Variants in BRSK2 observed in about 807,000 individuals in gnomAD.
The protein encoded by BRSK2 is serine/threonine-protein kinase BRSK2.
Under a neutral mutation model 83.3 loss-of-function variants are expected in BRSK2, and 19 were observed. The observed-to-expected ratio is 0.23, with a 90% confidence interval of 0.16 to 0.33. The LOEUF is 0.33. Ranked by LOEUF, BRSK2 falls within the 10% of genes least tolerant of loss-of-function variation. BRSK2 has a pLI of 1.00. For missense variants in BRSK2, 798 were observed against 1,042.3 expected (o/e 0.77, Z 3.23); for synonymous variants, 519 against 435.4 (o/e 1.19, Z -2.39).
At chr11:1,444,251 A>T (rs1411684212) in intron 8 of BRSK2, among the ~76,000 whole-genome samples, 2 of 152,148 alleles carry the variant, frequency 1.3e-5, no homozygotes, top group Non-Finnish European at 2.9e-5. Flanking sequence ...TGTGGGGGCT[A>T]GCAAGAGCCA....
chr11:1,411,276 A>G, intron 1 of BRSK2: 1 of 1,310,272 alleles, frequency 7.6e-7, no homozygotes, highest in South Asian at 2.4e-5. Flanking sequence ...ATCAGCAGGA[A>G]AGCAGCCAGT....
intron 12 of BRSK2, among the ~76,000 whole-genome samples, 196 bp downstream of exon 12, chr11:1,446,103 C>T (rs1336308579): frequency 7.4e-6 from 1 of 134,578 alleles, no homozygotes; most frequent in Non-Finnish European, 1.5e-5. Flanking sequence ...CTGGGCTGGG[C>T]TGGGCTGGGA....
intron 5 of BRSK2, 143 bp from the exon 6 acceptor site, chr11:1,442,963 C>G: frequency 9.9e-7 from 1 of 1,012,202 alleles, no homozygotes; most frequent in Non-Finnish European, 1.4e-6. Context: ...CCCAAAAGCC[C>G]GCCTGGGGAT....
At position 1,436,031 on chromosome 11, in the gene BRSK2, C is replaced by T. The variant is rs751631586; in HGVS notation, c.92-9C>T. 1.2e-6 allele frequency: 2 copies of T among 1,603,224 alleles called. No homozygotes were observed. Among genetic ancestry groups the T allele is most frequent in the South Asian group, 1.1e-5 (1 of 89,118 alleles). On this transcript the variant is annotated splice_polypyrimidine_tract_variant and intron_variant, in intron 1 of 19. Coordinates refer to ENST00000528841, the MANE Select transcript of BRSK2 (RefSeq NM_001256627.2). ...GGTGGGTCTGAGCGCGGCTGCTTCT[C>T]TCCCGCAGGTCTGGTGAAGCTGGGG... is the stretch of plus-strand genomic sequence containing the variant.
rs398015179 is a variant in BRSK2, at chr11:1,460,461, C to CTTTT, written c.1988-25_1988-22dup. On this transcript the variant is annotated intron_variant, in intron 19 of 19. Transcript: ENST00000528841. ...CTCTCCCCCTTTTTTTTCTTTTTTC[C>CTTTT]TTTTTTTTTTTTTTTTTGTCTCTGT... The CTTTT allele has an allele frequency of 5.1e-5, 28 of 544,448 alleles. No individual in the cohort carries two copies. The Admixed American group carries it at 2.1e-3, about 40-fold the overall frequency. The allele number at this position is 544,448 out of a possible 1,614,324, so 33.7% of individuals were successfully genotyped here. A position where few individuals can be genotyped will look rare whatever the true frequency, so the allele number is the denominator to read the frequency against.
intron 1 of BRSK2, among the ~76,000 whole-genome samples, chr11:1,417,860 C>T (rs1848253981): frequency 7.3e-6 from 1 of 137,336 alleles, no homozygotes; most frequent in African/African-American, 2.8e-5. Context: ...GAGTGGGTCA[C>T]CTGTGTCCTG....
intron 16 of BRSK2, among the ~76,000 whole-genome samples, chr11:1,455,109 C>T (rs1040963104): frequency 5.3e-5 from 8 of 152,116 alleles, no homozygotes; most frequent in African/African-American, 1.4e-4. Flanking sequence ...AGAGTGGTCG[C>T]GCTCGGGGTC....
At chr11:1,453,114 G>T (rs1425284317) in intron 15 of BRSK2, among the ~76,000 whole-genome samples, 1 of 152,206 alleles carries the variant, frequency 6.6e-6, no homozygotes, top group Non-Finnish European at 1.5e-5. Context: ...ACCCTGTGAG[G>T]AAGGGTCCCC....
At chr11:1,459,312 C>T in intron 19 of BRSK2, 73 bp downstream of exon 19, 6 of 1,552,678 alleles carry the variant, frequency 3.9e-6, no homozygotes, top group Non-Finnish European at 5.3e-6. Flanking sequence ...GCTGTGGCCG[C>T]CACCTGCCGC....
intron 3 of BRSK2, among the ~76,000 whole-genome samples, chr11:1,439,964 C>T (rs2133055802): frequency 6.6e-6 from 1 of 152,280 alleles, no homozygotes; most frequent in East Asian, 1.9e-4. Context: ...TGACTCCTGC[C>T]AAAACCAGCT....
intron 15 of BRSK2, among the ~76,000 whole-genome samples, chr11:1,453,096 A>G (rs1407487817): frequency 6.6e-6 from 1 of 152,208 alleles, no homozygotes; most frequent in Non-Finnish European, 1.5e-5. Flanking sequence ...AACCTGGCGG[A>G]TGCACCCACC....
chr11:1,429,576 CT>C (rs1206835196), intron 1 of BRSK2, among the ~76,000 whole-genome samples: 2 of 149,774 alleles, frequency 1.3e-5, no homozygotes, highest in African/African-American at 5.0e-5. Flanking sequence ...TGCCACTGTG[CT>C]CAGCAGTGAG....
Position 1,436,658 on chromosome 11 carries a change from G to A in BRSK2, c.186+524G>A, listed in dbSNP as rs544872051. Among the ~76,000 whole-genome samples the A allele has an allele frequency of 3.0e-3, 450 of 152,198 alleles. 3 individuals carry two copies. The highest frequency in any genetic ancestry group is 4.8e-3 in the Admixed American group (74 of 15,300). On this transcript the variant is annotated intron_variant, in intron 2 of 19. Coordinates refer to ENST00000528841, the MANE Select transcript of BRSK2 (RefSeq NM_001256627.2). ...CTCTCAGTGGGGAGGGGGCGGCCCC[G>A]GCTGCTGGGAAGCCTGACCCTGGGT...
chr11:1,456,091 G>A (rs951827630), intron 16 of BRSK2, among the ~76,000 whole-genome samples: 4 of 152,180 alleles, frequency 2.6e-5, no homozygotes, highest in Non-Finnish European at 5.9e-5. Context: ...ATCCTGTGCT[G>A]TGGCTGCCTG....
chr11:1,455,335 CCTGCCTCCCCAGGG>C (rs1846368616), intron 16 of BRSK2, among the ~76,000 whole-genome samples: 1 of 143,716 alleles, frequency 7.0e-6, no homozygotes, highest in Admixed American at 6.8e-5. Context: ...CCGCCCCCAG[CCTGCCTCCCCAGGG>C]CTGCTGTCCT....
rs1039769117 is a variant in BRSK2 at position 1,461,506 on chromosome 11, C to T, written c.*783C>T. 1.6e-5 allele frequency: 3 copies of T among 190,578 alleles called. No individual in the cohort carries two copies. The South Asian group carries it at 3.2e-4, about 20-fold the overall frequency. 11.8% of individuals were successfully genotyped at this position (190,578 alleles called of 1,614,324 possible). A position where few individuals can be genotyped will look rare whatever the true frequency, so the allele number is the denominator to read the frequency against. ...GACACCCTGCGGCACCAGAGCCTTCCCAGCAGGCCAGGCCGCTGGGCTGGG... is the reference window on the plus strand; with the variant it reads ...GACACCCTGCGGCACCAGAGCCTTCTCAGCAGGCCAGGCCGCTGGGCTGGG... On this transcript the variant is annotated 3_prime_UTR_variant, in exon 20 of 20. Transcript: ENST00000528841.
In BRSK2 at chr11:1,390,436, G is replaced by C; in HGVS notation, c.91+61G>C. On this transcript the variant is annotated intron_variant, in intron 1 of 19. Coordinates refer to ENST00000528841, the MANE Select transcript of BRSK2 (RefSeq NM_001256627.2). This position sits in a 1 kb window ranked among gnomAD's most constrained non-coding sequence, Gnocchi z 6.8. ...GGCCGCGCTGGCAGCGCGCTGGGTG[G>C]GGGGCGCCCGAGGGAGGCCCCGGCC... The C allele has an allele frequency of 2.1e-6, 2 of 948,772 alleles. No individual in the cohort carries two copies. Among genetic ancestry groups the C allele is most frequent in the Non-Finnish European group, 2.5e-6 (2 of 790,814 alleles). 58.8% of individuals were successfully genotyped at this position (948,772 alleles called of 1,614,324 possible).
At chr11:1,448,953 G>A (rs371857590) in intron 12 of BRSK2, among the ~76,000 whole-genome samples, 31 of 152,320 alleles carry the variant, frequency 2.0e-4, no homozygotes, top group African/African-American at 7.2e-4. Context: ...GGTAGTGCAG[G>A]CCGGGCTTTT....
intron 13 of BRSK2, 91 bp downstream of exon 13, chr11:1,449,927 A>G (rs1590643752): frequency 3.3e-6 from 3 of 909,608 alleles, no homozygotes; most frequent in Non-Finnish European, 5.1e-6. Flanking sequence ...AGCCTCGCGG[A>G]CCCTGGGAAG....
Sources: gnomAD v4.1 joint callset for allele counts (sites outside exome capture counted in the v4.1 genomes callset) on GRCh38, gnomAD v4.1.1 for gene constraint, Gnocchi (gnomAD v3.1) non-coding constraint, MANE v1.5 for transcripts, NCBI Gene and HGNC (gene_info 2026-07-23, HGNC 2026-07-21) for gene names.